PDE4B: variants seen among roughly 807,000 people sequenced by gnomAD.
PDE4B encodes the protein phosphodiesterase 4B.
In PDE4B, 20 loss-of-function variants were observed where a neutral mutation model predicts 82.2. That is an observed-to-expected ratio of 0.24 (90% CI 0.17 to 0.35). PDE4B has a LOEUF of 0.35. Ranked by LOEUF, PDE4B falls within the 10% of genes least tolerant of loss-of-function variation. PDE4B has a pLI of 1.00. For missense variants in PDE4B, 655 were observed against 907.2 expected (o/e 0.72, Z 3.57); for synonymous variants, 320 against 318.9 (o/e 1.00, Z -0.04).
At chr1:65,850,110 CTT>C (rs57662381) in intron 1 of PDE4B, among the ~76,000 whole-genome samples, 2 of 97,476 alleles carry the variant, frequency 2.1e-5, no homozygotes, top group Non-Finnish European at 2.0e-5. Flanking sequence ...TTGCCCTGCA[CTT>C]TTTTTTTTTT....
At chr1:66,029,559 TGAA>T (rs1653642946) in intron 3 of PDE4B, among the ~76,000 whole-genome samples, 2 of 152,158 alleles carry the variant, frequency 1.3e-5, no homozygotes, top group African/African-American at 4.8e-5. Flanking sequence ...AAATGAAAGA[TGAA>T]GAGTCTATTG....
chr1:65,941,427 T>A lies in PDE4B; in HGVS notation c.281+22592T>A, dbSNP rs149522147. Among the ~76,000 whole-genome samples the A allele has an allele frequency of 7.4e-4, 112 of 152,074 alleles. 2 individuals carry two copies. Among genetic ancestry groups the A allele is most frequent in the East Asian group, 6.0e-3 (31 of 5,166 alleles). ...AGCTGGACCTTTTCTATCTCTTGGGTTGGGAGAGCATGACGAGGCCAGAGC... is the reference window on the plus strand; with the variant it reads ...AGCTGGACCTTTTCTATCTCTTGGGATGGGAGAGCATGACGAGGCCAGAGC... On this transcript the variant is annotated intron_variant, in intron 3 of 16. Coordinates refer to ENST00000341517, the MANE Select transcript of PDE4B (RefSeq NM_002600.4).
At chr1:66,319,264 C>T (rs1659235466) in intron 7 of PDE4B, among the ~76,000 whole-genome samples, 1 of 152,182 alleles carries the variant, frequency 6.6e-6, no homozygotes, top group African/African-American at 2.4e-5. Context: ...TCTTCTCCTC[C>T]TCACCCAGCA....
At chr1:65,952,505 T>C (rs1238980512) in intron 3 of PDE4B, among the ~76,000 whole-genome samples, 1 of 151,654 alleles carries the variant, frequency 6.6e-6, no homozygotes, top group African/African-American at 2.4e-5. Flanking sequence ...ACATGCTGAA[T>C]CCCCATCTCT....
Position 66,188,931 on chromosome 1 carries a change from G to A in PDE4B, c.282-58529G>A, listed in dbSNP as rs186735267. On this transcript the variant is annotated intron_variant, in intron 3 of 16. Coordinates refer to ENST00000341517, the MANE Select transcript of PDE4B (RefSeq NM_002600.4). ...GTTGACGCAGTTTCTTCCTATCCTC[G>A]ATGGACTTTACAATTTGGCATGTCT... Among the ~76,000 whole-genome samples, 583 of 152,266 alleles carry A rather than the reference G, an allele frequency of 3.8e-3. 2 individuals carry two copies. The highest frequency in any genetic ancestry group is 0.013 in the African/African-American group (547 of 41,542).
chr1:66,333,118 C>G (rs1660249343), intron 8 of PDE4B, among the ~76,000 whole-genome samples: 1 of 152,102 alleles, frequency 6.6e-6, no homozygotes, highest in Admixed American at 6.5e-5. Context: ...CTGGGATTTT[C>G]TAAGATTTCT....
At chr1:66,070,244 A>ATT (rs139871425) in intron 3 of PDE4B, among the ~76,000 whole-genome samples, 1 of 151,182 alleles carries the variant, frequency 6.6e-6, no homozygotes, top group Admixed American at 6.6e-5. Flanking sequence ...GTCTATATGC[A>ATT]TTTTTTTTTC....
chr1:66,110,923 AG>A (rs1480855265), intron 3 of PDE4B, among the ~76,000 whole-genome samples: 2 of 151,770 alleles, frequency 1.3e-5, no homozygotes, highest in African/African-American at 4.8e-5. Flanking sequence ...GCTTTGGAAA[AG>A]CAGAATTGGA....
intron 8 of PDE4B, among the ~76,000 whole-genome samples, chr1:66,351,500 G>A (rs1007121010): frequency 1.3e-5 from 2 of 152,152 alleles, no homozygotes; most frequent in Non-Finnish European, 2.9e-5. Flanking sequence ...AACTCTGAGG[G>A]ATGATAAATG....
chr1:65,831,765 A>G (rs561793269), intron 1 of PDE4B, among the ~76,000 whole-genome samples: 24 of 152,308 alleles, frequency 1.6e-4, no homozygotes, highest in African/African-American at 5.5e-4. Flanking sequence ...AGATTCCTCA[A>G]TAAAATATTA....
chr1:65,976,495 T>C (rs182331209), intron 3 of PDE4B, among the ~76,000 whole-genome samples: 296 of 152,230 alleles, frequency 1.9e-3, no homozygotes, highest in African/African-American at 6.9e-3. Flanking sequence ...GTGGGACTGT[T>C]GGGGAGGCAT....
At chr1:65,850,454 A>G (rs570268621) in intron 1 of PDE4B, among the ~76,000 whole-genome samples, 2 of 152,182 alleles carry the variant, frequency 1.3e-5, no homozygotes, top group South Asian at 4.1e-4. Flanking sequence ...GTAGTGAACA[A>G]TGAAGTTATT....
chr1:65,946,985 GT>G (rs1648745698), intron 3 of PDE4B, among the ~76,000 whole-genome samples: 1 of 152,032 alleles, frequency 6.6e-6, no homozygotes, highest in Non-Finnish European at 1.5e-5. Flanking sequence ...ACCCTAAGAT[GT>G]TTACCTATGG....
intron 3 of PDE4B, among the ~76,000 whole-genome samples, chr1:66,150,855 A>G (rs1557595865): frequency 6.6e-6 from 1 of 152,154 alleles, no homozygotes; most frequent in Non-Finnish European, 1.5e-5. Context: ...TCGTATGTTA[A>G]ACCAACCTTG....
chr1:66,054,376 C>G (rs994622152), intron 3 of PDE4B, among the ~76,000 whole-genome samples: 2 of 152,038 alleles, frequency 1.3e-5, no homozygotes, highest in Admixed American at 1.3e-4. Context: ...TGGACATATC[C>G]ATACACCCAT....
At chr1:66,266,151 C>A in intron 7 of PDE4B, 64 bp downstream of exon 7, 1 of 1,246,042 alleles carries the variant, frequency 8.0e-7, no homozygotes, top group Non-Finnish European at 1.2e-6. Flanking sequence ...GCCTCTTATT[C>A]AGAACTGTTT....
In PDE4B at chr1:66,231,593, G is replaced by T. The variant is rs1651950422; in HGVS notation, c.282-15867G>T. Among the ~76,000 whole-genome samples, 8 of 152,308 alleles carry T rather than the reference G, an allele frequency of 5.3e-5. No homozygotes were observed. In the South Asian group the frequency reaches 1.7e-3, roughly 32 times the overall value. ...TGAGTCCAAGGACAGGCTTCTAAGAGAAGCAGTTAAAAGAAATGCTTTGCA... is the reference window on the plus strand; with the variant it reads ...TGAGTCCAAGGACAGGCTTCTAAGATAAGCAGTTAAAAGAAATGCTTTGCA... On this transcript the variant is annotated intron_variant, in intron 3 of 16. Transcript: ENST00000341517.
intron 7 of PDE4B, among the ~76,000 whole-genome samples, chr1:66,284,412 T>C (rs984142606): frequency 6.6e-6 from 1 of 152,166 alleles, no homozygotes; most frequent in Admixed American, 6.5e-5. Flanking sequence ...GTATAAGATA[T>C]ATGATTTGAA....
intron 1 of PDE4B, among the ~76,000 whole-genome samples, chr1:65,824,937 T>C (rs1398332163): frequency 6.6e-6 from 1 of 152,178 alleles, no homozygotes; most frequent in Non-Finnish European, 1.5e-5. Flanking sequence ...CAAAGTTACA[T>C]TAAACACAAT....
Sources: allele counts gnomAD v4.1 joint callset (sites outside exome capture counted in the v4.1 genomes callset), GRCh38; gene constraint gnomAD v4.1.1; transcripts MANE v1.5; gene names NCBI Gene and HGNC (gene_info 2026-07-23, HGNC 2026-07-21).